RPSA2: variants seen among roughly 807,000 people sequenced by gnomAD.
RPSA2 encodes the protein small ribosomal subunit protein uS2B.
the RPSA2 span, chr19:23,790,851 C>T: frequency 1.8e-4 from 94 of 527,040 alleles, no homozygotes; most frequent in East Asian, 3.2e-3. Flanking sequence ...TGGTGGGACT[C>T]AGGCCTCCCC....
the RPSA2 span, chr19:23,833,391 C>A: frequency 0.41 from 74,123 of 182,782 alleles, 15,538 homozygotes; most frequent in South Asian, 0.57. Context: ...CTTTGCAAAC[C>A]TGAAAGATGT....
the RPSA2 span, chr19:23,827,358 T>C: frequency 6.3e-7 from 1 of 1,584,402 alleles, no homozygotes; most frequent in South Asian, 1.1e-5. Flanking sequence ...CGTGCTATTG[T>C]TGCCATTGAA....
the RPSA2 span, among the ~76,000 whole-genome samples, chr19:23,851,617 G>A: frequency 6.6e-6 from 1 of 152,118 alleles, no homozygotes; most frequent in South Asian, 2.1e-4. Flanking sequence ...TAAAGGTTTG[G>A]GGAAACCCTG....
At chr19:23,790,557 A>T in the RPSA2 span, among the ~76,000 whole-genome samples, 1 of 151,960 alleles carries the variant, frequency 6.6e-6, no homozygotes. Context: ...GCGACATTGG[A>T]CTGGAAACTG....
chr19:23,825,182 G>A, the RPSA2 span, among the ~76,000 whole-genome samples: 4 of 152,058 alleles, frequency 2.6e-5, no homozygotes, highest in Non-Finnish European at 4.4e-5. Flanking sequence ...GTTTCACCAT[G>A]TTAGCCAGGA....
At chr19:23,833,135 C>CTGT in the RPSA2 span, 1 of 1,208,226 alleles carries the variant, frequency 8.3e-7, no homozygotes, top group Non-Finnish European at 1.0e-6. Context: ...GGTTTAAAAC[C>CTGT]CTACAAATGG....
the RPSA2 span, among the ~76,000 whole-genome samples, chr19:23,856,320 C>T: frequency 9.9e-5 from 15 of 152,134 alleles, 1 homozygote; most frequent in South Asian, 2.1e-4. Context: ...CCACATCTAA[C>T]GTTCCCTTTT....
chr19:23,865,890 G>A, the RPSA2 span, among the ~76,000 whole-genome samples: 3 of 152,198 alleles, frequency 2.0e-5, no homozygotes, highest in Admixed American at 6.5e-5. Context: ...ATTCACTATA[G>A]GGCTGTTAGA....
At chr19:23,771,049 A>G in the RPSA2 span, among the ~76,000 whole-genome samples, 1 of 152,148 alleles carries the variant, frequency 6.6e-6, no homozygotes, top group African/African-American at 2.4e-5. Flanking sequence ...TCCTCTTTGT[A>G]TGAAGGTCAT....
the RPSA2 span, among the ~76,000 whole-genome samples, chr19:23,848,486 G>A: frequency 3.6e-5 from 2 of 56,142 alleles, no homozygotes; most frequent in South Asian, 2.0e-3. Context: ...AAGACTTTCT[G>A]CCACCTGATC....
chr19:23,858,573 G>A, the RPSA2 span, among the ~76,000 whole-genome samples: 448 of 152,248 alleles, frequency 2.9e-3, no homozygotes, highest in Non-Finnish European at 4.8e-3. Flanking sequence ...CTAATAAAAA[G>A]CAACACACAA....
the RPSA2 span, among the ~76,000 whole-genome samples, chr19:23,787,485 T>A: frequency 2.7e-4 from 41 of 151,132 alleles, no homozygotes; most frequent in African/African-American, 9.7e-4. Flanking sequence ...GACTGGTGCC[T>A]GTAGTCCCAG....
the RPSA2 span, among the ~76,000 whole-genome samples, chr19:23,838,724 T>C: frequency 6.7e-6 from 1 of 150,010 alleles, no homozygotes; most frequent in Non-Finnish European, 1.5e-5. Context: ...CTAGCTTATG[T>C]GTATGTGTGT....
chr19:23,824,444 A>C, the RPSA2 span, among the ~76,000 whole-genome samples: 1 of 152,156 alleles, frequency 6.6e-6, no homozygotes, highest in African/African-American at 2.4e-5. Flanking sequence ...GAGAGGAGGA[A>C]AACTTGTTTT....
chr19:23,815,032 G>T, the RPSA2 span, among the ~76,000 whole-genome samples: 1 of 152,024 alleles, frequency 6.6e-6, no homozygotes, highest in Non-Finnish European at 1.5e-5. Flanking sequence ...TATTTGTAGG[G>T]ATAGAGTCTC....
the RPSA2 span, among the ~76,000 whole-genome samples, chr19:23,853,029 A>T: frequency 0.51 from 78,235 of 152,176 alleles, 20,578 homozygotes; most frequent in South Asian, 0.62. Context: ...TGAAGAATAT[A>T]GGCCTGGGGA....
chr19:23,851,510 G>T, the RPSA2 span, among the ~76,000 whole-genome samples: 1 of 152,180 alleles, frequency 6.6e-6, no homozygotes, highest in Non-Finnish European at 1.5e-5. Flanking sequence ...TTGTAACCTT[G>T]AAGATAAGCC....
chr19:23,867,690 C>A, the RPSA2 span, among the ~76,000 whole-genome samples: 1 of 152,024 alleles, frequency 6.6e-6, no homozygotes. Flanking sequence ...ATTAGCCGGG[C>A]GTGGTGGCGG....
the RPSA2 span, among the ~76,000 whole-genome samples, chr19:23,767,858 C>A: frequency 6.6e-6 from 1 of 150,596 alleles, no homozygotes; most frequent in African/African-American, 2.4e-5. Context: ...CCTCCGCCTC[C>A]CGGGTTCAAG....
Sources: allele counts gnomAD v4.1 joint callset (sites outside exome capture counted in the v4.1 genomes callset), GRCh38; gene constraint gnomAD v4.1.1; transcripts MANE v1.5; gene names NCBI Gene and HGNC (gene_info 2026-07-23, HGNC 2026-07-21).